Variants in GPC6 observed in about 807,000 individuals in gnomAD.
GPC6 encodes the protein glypican-6.
A neutral mutation model predicts 55.2 loss-of-function variants in GPC6; 14 were observed. That is an observed-to-expected ratio of 0.25 (90% CI 0.17 to 0.40). The LOEUF is 0.40. Ranked by LOEUF, GPC6 falls within the 10% of genes least tolerant of loss-of-function variation. The pLI, the probability that GPC6 is intolerant of heterozygous loss-of-function variation, is 1.00. For missense variants in GPC6, 641 were observed against 708.5 expected, an observed-to-expected ratio of 0.90 and a Z score of 1.08; for synonymous variants, 278 against 259.6, an observed-to-expected ratio of 1.07 and a Z score of -0.68.
chr13:93,460,012 GGT>G (rs1878620727), intron 1 of GPC6, among the ~76,000 whole-genome samples: 1 of 152,100 alleles, frequency 6.6e-6, no homozygotes, highest in Non-Finnish European at 1.5e-5. Flanking sequence ...TGGCTTCTAG[GGT>G]GTGTGTTCAC....
At chr13:94,039,689 T>G (rs1883464080) in intron 4 of GPC6, among the ~76,000 whole-genome samples, 1 of 151,850 alleles carries the variant, frequency 6.6e-6, no homozygotes, top group Non-Finnish European at 1.5e-5. Context: ...AGCTGGGATG[T>G]CACAAACCAT....
intron 4 of GPC6, among the ~76,000 whole-genome samples, chr13:94,069,247 A>G (rs1029046382): frequency 6.6e-6 from 1 of 152,310 alleles, no homozygotes; most frequent in Middle Eastern, 3.4e-3. Flanking sequence ...CCATAGCCAG[A>G]GCTGTACCTT....
intron 4 of GPC6, among the ~76,000 whole-genome samples, chr13:94,235,311 G>T (rs1274449573): frequency 6.6e-6 from 1 of 151,986 alleles, no homozygotes; most frequent in Non-Finnish European, 1.5e-5. Context: ...CTCTGGGAGC[G>T]TCTCTCACAG....
chr13:93,584,683 A>G (rs991972323), intron 2 of GPC6, among the ~76,000 whole-genome samples: 1 of 132,392 alleles, frequency 7.6e-6, no homozygotes, highest in Non-Finnish European at 1.5e-5. Context: ...ACCTTCTGAA[A>G]GTTTTTTTTT....
At chr13:94,281,965 T>C (rs565935217) in intron 4 of GPC6, among the ~76,000 whole-genome samples, 1 of 152,316 alleles carries the variant, frequency 6.6e-6, no homozygotes, top group African/African-American at 2.4e-5. Flanking sequence ...AAATGCTAAA[T>C]CTGTTAAATA....
At chr13:93,238,465 A>G (rs1216311018) in intron 1 of GPC6, among the ~76,000 whole-genome samples, 1 of 150,992 alleles carries the variant, frequency 6.6e-6, no homozygotes, top group African/African-American at 2.4e-5. Context: ...TACAAAATCC[A>G]GTAGTCTTTT....
At chr13:94,337,166 C>CAGAACTCTTTGGAG (rs1877751395) in intron 6 of GPC6, among the ~76,000 whole-genome samples, 1 of 152,164 alleles carries the variant, frequency 6.6e-6, no homozygotes, top group Non-Finnish European at 1.5e-5. Context: ...AGAAATGATA[C>CAGAACTCTTTGGAG]AGAACTCTTT....
At chr13:94,190,181 G>T (rs976223206) in intron 4 of GPC6, among the ~76,000 whole-genome samples, 1 of 151,906 alleles carries the variant, frequency 6.6e-6, no homozygotes, top group Non-Finnish European at 1.5e-5. Context: ...AAATTAGCCA[G>T]GCATGGTGGT....
intron 6 of GPC6, among the ~76,000 whole-genome samples, chr13:94,361,851 TTGGC>T (rs1010084029): frequency 6.6e-6 from 1 of 152,244 alleles, no homozygotes; most frequent in African/African-American, 2.4e-5. Context: ...GTTTTTAATA[TTGGC>T]ACAGTTAGTA....
At chr13:93,640,766 C>T (rs929688702) in intron 2 of GPC6, among the ~76,000 whole-genome samples, 1 of 13,840 alleles carries the variant, frequency 7.2e-5, no homozygotes, top group African/African-American at 2.3e-4. Context: ...CCTCCCTCCT[C>T]CCCACTTTCC....
chr13:93,482,316 A>G (rs1879550661), intron 1 of GPC6, among the ~76,000 whole-genome samples: 1 of 152,134 alleles, frequency 6.6e-6, no homozygotes, highest in Non-Finnish European at 1.5e-5. Flanking sequence ...ATCTCTGAAT[A>G]TTGTATCTTT....
At chr13:93,276,489 A>AGTGTGTGT (rs771761836) in intron 1 of GPC6, among the ~76,000 whole-genome samples, 1 of 131,310 alleles carries the variant, frequency 7.6e-6, no homozygotes, top group African/African-American at 3.2e-5. Context: ...AGAGAGAGAG[A>AGTGTGTGT]GAGAGAGTGT....
At chr13:93,853,328 G>T (rs1030053863) in intron 3 of GPC6, among the ~76,000 whole-genome samples, 11 of 151,622 alleles carry the variant, frequency 7.3e-5, no homozygotes, top group African/African-American at 2.4e-4. Context: ...AGGAACCATT[G>T]GATTTATAAA....
chr13:93,434,399 T>C (rs1242204263), intron 1 of GPC6, among the ~76,000 whole-genome samples: 1 of 152,122 alleles, frequency 6.6e-6, no homozygotes, highest in African/African-American at 2.4e-5. Flanking sequence ...AATAAGTGTA[T>C]AATTGGGGGG....
chr13:93,344,965 A>G (rs190731358), intron 1 of GPC6, among the ~76,000 whole-genome samples: 1 of 152,152 alleles, frequency 6.6e-6, no homozygotes, highest in East Asian at 1.9e-4. Context: ...AATTCTTTCT[A>G]TTTATGTTGA....
chr13:93,328,028 T>G (rs560785481), intron 1 of GPC6, among the ~76,000 whole-genome samples: 2 of 152,164 alleles, frequency 1.3e-5, no homozygotes, highest in Admixed American at 1.3e-4. Context: ...GGTTTTATAT[T>G]TTTTATTTTT....
At chr13:93,694,598 T>G (rs1882381337) in intron 2 of GPC6, among the ~76,000 whole-genome samples, 1 of 152,160 alleles carries the variant, frequency 6.6e-6, no homozygotes, top group Non-Finnish European at 1.5e-5. Context: ...AATCCAAGAC[T>G]GACCAATGTG....
At chr13:93,642,129 G>A (rs1397341477) in intron 2 of GPC6, among the ~76,000 whole-genome samples, 1 of 151,992 alleles carries the variant, frequency 6.6e-6, no homozygotes, top group East Asian at 1.9e-4. Flanking sequence ...CCAATAGGTA[G>A]TGTTTAGCTC....
At chr13:93,541,441 G>T (rs1338508524) in intron 1 of GPC6, among the ~76,000 whole-genome samples, 1 of 84,080 alleles carries the variant, frequency 1.2e-5, no homozygotes, top group Non-Finnish European at 2.3e-5. Flanking sequence ...GGACATTTGG[G>T]TTGGTTCCAA....
Sources: allele counts gnomAD v4.1 joint callset (sites outside exome capture counted in the v4.1 genomes callset), GRCh38; gene constraint gnomAD v4.1.1; transcripts MANE v1.5; gene names NCBI Gene and HGNC (gene_info 2026-07-23, HGNC 2026-07-21).